Variants in PACC1 observed in about 807,000 individuals in gnomAD.
The protein encoded by PACC1 is proton-activated chloride channel.
A neutral mutation model predicts 39.7 loss-of-function variants in PACC1; 34 were observed. The ratio of observed to expected loss-of-function variants is 0.86; its 90% CI spans 0.65 to 1.14. PACC1 has a LOEUF of 1.14. PACC1 is among the 50% of genes most tolerant of loss of function. The probability of loss-of-function intolerance (pLI) is 0.00; values close to 1 mark genes in which losing one functional copy is unlikely to be tolerated. For synonymous variants in PACC1, 127 were observed against 160.6 expected (o/e 0.79, Z 1.58); for missense variants, 379 against 436.4 (o/e 0.87, Z 1.17).
At chr1:212,387,215 G>A (rs184853336) in intron 2 of PACC1, 115 bp from the exon 3 acceptor site, 13,590 of 939,954 alleles carry the variant, frequency 0.014, 118 homozygotes, top group Non-Finnish European at 0.018. Context: ...TCACCTGCAC[G>A]CCCAACCTTT....
rs560661110 is a variant in PACC1, at chr1:212,381,320, C to T, written c.496-1283G>A. ...AACATCCTTCTTGCAAACTTTTGCA[C>T]GTGGAATTCCACACTATTAATATTG... On this transcript the variant is annotated intron_variant, in intron 4 of 7. Transcript: ENST00000261455. Among the ~76,000 whole-genome samples, 4 of 152,310 alleles carry T rather than the reference C, an allele frequency of 2.6e-5. No individual in the cohort carries two copies. The East Asian group carries it at 5.8e-4, about 22-fold the overall frequency.
intron 1 of PACC1, among the ~76,000 whole-genome samples, chr1:212,410,813 G>A (rs1466509451): frequency 1.3e-5 from 2 of 152,230 alleles, no homozygotes; most frequent in African/African-American, 4.8e-5. Flanking sequence ...TGAAATTGAG[G>A]TGTTGGCAGG....
chr1:212,375,165 T>A, intron 7 of PACC1, 28 bp downstream of exon 7: 2 of 1,490,970 alleles, frequency 1.3e-6, no homozygotes, highest in South Asian at 2.3e-5. Context: ...TAATCTTAAA[T>A]AATACTATCA....
chr1:212,381,253 G>A (rs1395763190), intron 4 of PACC1, among the ~76,000 whole-genome samples: 1 of 152,124 alleles, frequency 6.6e-6, no homozygotes. Flanking sequence ...CTGTTCAGTC[G>A]TCTTAGTGGA....
chr1:212,375,885 C>CA (rs1660647373), intron 6 of PACC1, among the ~76,000 whole-genome samples: 2 of 150,896 alleles, frequency 1.3e-5, no homozygotes, highest in Non-Finnish European at 3.0e-5. Context: ...ACTCTGTCTC[C>CA]AAAAAAAATA....
At chr1:212,413,500 G>T (rs1384291408) in intron 1 of PACC1, among the ~76,000 whole-genome samples, 1 of 152,230 alleles carries the variant, frequency 6.6e-6, no homozygotes, top group East Asian at 1.9e-4. Flanking sequence ...GGAACACATG[G>T]AACTTGAGGT....
At chr1:212,365,439 T>G (rs907691084) in intron 7 of PACC1, 63 bp from the exon 8 acceptor site, 2 of 1,502,708 alleles carry the variant, frequency 1.3e-6, no homozygotes, top group Non-Finnish European at 1.8e-6. Flanking sequence ...CTTTTTTTTT[T>G]TTTTTTTTTG....
chr1:212,404,254 C>T (rs1661822900), intron 2 of PACC1, among the ~76,000 whole-genome samples: 1 of 151,888 alleles, frequency 6.6e-6, no homozygotes, highest in African/African-American at 2.4e-5. Flanking sequence ...CTACAGGTAC[C>T]CACCACCACT....
At chr1:212,378,195 A>G (rs1660737055) in intron 5 of PACC1, among the ~76,000 whole-genome samples, 1 of 152,208 alleles carries the variant, frequency 6.6e-6, no homozygotes, top group Non-Finnish European at 1.5e-5. Flanking sequence ...TGGGTCACCT[A>G]CAGCATCAGC....
chr1:212,394,902 G>A (rs1372743920), intron 2 of PACC1, among the ~76,000 whole-genome samples: 2 of 152,122 alleles, frequency 1.3e-5, no homozygotes, highest in Admixed American at 1.3e-4. Context: ...CCTCTTCAAG[G>A]AGAACTACAA....
chr1:212,382,669 G>A (rs1318746418), intron 4 of PACC1, among the ~76,000 whole-genome samples: 1 of 152,296 alleles, frequency 6.6e-6, no homozygotes, highest in Non-Finnish European at 1.5e-5. Context: ...TGCAAACATA[G>A]GCAGTGGCAG....
intron 2 of PACC1, among the ~76,000 whole-genome samples, chr1:212,398,236 A>C (rs760698602): frequency 6.6e-6 from 1 of 152,240 alleles, no homozygotes; most frequent in Non-Finnish European, 1.5e-5. Flanking sequence ...ATATACATTG[A>C]AAATAAAATG....
At chr1:212,390,360 T>C (rs545943139) in intron 2 of PACC1, among the ~76,000 whole-genome samples, 1 of 147,396 alleles carries the variant, frequency 6.8e-6, no homozygotes, top group Non-Finnish European at 1.5e-5. Context: ...GAGGCGGAGG[T>C]TGCAGTGAGT....
Position 212,374,325 on chromosome 1 carries a change from A to T in PACC1, c.891+868T>A, listed in dbSNP as rs906362234. ...AAATAAGCCAGGCACAGAAAAACAA[A>T]TACCACACGTTCTCACTCATGTGGG... On this transcript the variant is annotated intron_variant, in intron 7 of 7. Transcript: ENST00000261455. 2.0e-5 allele frequency among the ~76,000 whole-genome samples: 3 copies of T among 152,230 alleles called. No homozygotes were observed. In the South Asian group the frequency reaches 6.2e-4, roughly 31 times the overall value.
intron 2 of PACC1, among the ~76,000 whole-genome samples, chr1:212,407,408 AC>A (rs1661956597): frequency 6.6e-6 from 1 of 151,984 alleles, no homozygotes; most frequent in African/African-American, 2.4e-5. Context: ...TCCATTTTGG[AC>A]TCCTGACCTC....
rs192890813 is a variant in PACC1, at chr1:212,365,303, T to G, written c.965A>C (p.Glu322Ala). 29 of 1,614,032 alleles carry G rather than the reference T, an allele frequency of 1.8e-5. No homozygotes were observed. The Middle Eastern group carries it at 5.0e-4, about 28-fold the overall frequency. The change falls in exon 8 of 8, where the codon GAG becomes GCG. Residue 322 changes from glutamate to alanine, a missense_variant. Transcript: ENST00000261455. ...CCATTTTATACTCAGTTTGGCAAAC[T>G]CTGCTGCTTTAAATAATGCCAAGAA... ...GAFLALFKAA[E>A]FAKLSIKWMI...
intron 2 of PACC1, among the ~76,000 whole-genome samples, chr1:212,401,056 T>C (rs1441902875): frequency 1.3e-5 from 2 of 152,218 alleles, no homozygotes; most frequent in African/African-American, 4.8e-5. Flanking sequence ...TGGTCAATTT[T>C]GTTTCTCTTT....
intron 2 of PACC1, among the ~76,000 whole-genome samples, chr1:212,399,566 G>A (rs1313685205): frequency 6.6e-6 from 1 of 151,640 alleles, no homozygotes; most frequent in Non-Finnish European, 1.5e-5. Flanking sequence ...GACTCAAGTG[G>A]GGTCTCACTC....
At chr1:212,412,038 G>A (rs1662145791) in intron 1 of PACC1, among the ~76,000 whole-genome samples, 1 of 152,232 alleles carries the variant, frequency 6.6e-6, no homozygotes, top group East Asian at 1.9e-4. Context: ...CTACTTGGGA[G>A]GTTGAAGCAG....
Sources: allele counts gnomAD v4.1 joint callset (sites outside exome capture counted in the v4.1 genomes callset), GRCh38; gene constraint gnomAD v4.1.1; transcripts MANE v1.5; gene names NCBI Gene and HGNC (gene_info 2026-07-23, HGNC 2026-07-21).